Variants in NSMCE2 observed in about 807,000 individuals in gnomAD.
The protein encoded by NSMCE2 is E3 SUMO-protein ligase NSE2.
A neutral mutation model predicts 23.8 loss-of-function variants in NSMCE2; 24 were observed. The observed-to-expected ratio is 1.01, with a 90% confidence interval of 0.73 to 1.42. NSMCE2 has a LOEUF of 1.42. Ranked by LOEUF, NSMCE2 falls within the 40% of genes most tolerant of loss-of-function variation. The pLI is 0.00. For missense variants in NSMCE2, 284 were observed against 296.5 expected, an observed-to-expected ratio of 0.96 and a Z score of 0.31; for synonymous variants, 92 against 94.1, an observed-to-expected ratio of 0.98 and a Z score of 0.13.
chr8:125,186,359 G>C (rs1586581900), intron 5 of NSMCE2, among the ~76,000 whole-genome samples: 1 of 152,124 alleles, frequency 6.6e-6, no homozygotes, highest in East Asian at 1.9e-4. Context: ...ACTGACCCTT[G>C]ATCTAAATTA....
At position 125,246,641 on chromosome 8, in the gene NSMCE2, AAT is replaced by A; in HGVS notation, c.418+64386_418+64387del. 3.3e-5 allele frequency among the ~76,000 whole-genome samples: 5 copies of A among 152,226 alleles called. No individual in the cohort carries two copies. The Middle Eastern group carries it at 0.017, about 518-fold the overall frequency. On this transcript the variant is annotated intron_variant, in intron 5 of 7. Transcript: ENST00000287437. The stretch of plus-strand genomic sequence containing the variant: ...TACTGTCAAACTTTGAAGGAACACA[AAT>A]GTCCTATGTTATCTAATCTATTTCA...
intron 5 of NSMCE2, among the ~76,000 whole-genome samples, chr8:125,280,867 G>A (rs1361431788): frequency 6.6e-6 from 1 of 152,190 alleles, no homozygotes; most frequent in Non-Finnish European, 1.5e-5. Context: ...TAGTTAATCT[G>A]TAACTATATT....
intron 5 of NSMCE2, among the ~76,000 whole-genome samples, chr8:125,183,268 G>C (rs925369424): frequency 6.6e-6 from 1 of 152,160 alleles, no homozygotes. Context: ...AAAAATGACT[G>C]AGGAAGCTGC....
chr8:125,333,652 C>A (rs1382026254), intron 5 of NSMCE2, among the ~76,000 whole-genome samples: 2 of 149,954 alleles, frequency 1.3e-5, no homozygotes. Context: ...GTAGCTAGGA[C>A]TACAGGCGCC....
intron 4 of NSMCE2, among the ~76,000 whole-genome samples, chr8:125,169,418 T>A (rs1426295364): frequency 6.6e-6 from 1 of 152,222 alleles, no homozygotes; most frequent in Non-Finnish European, 1.5e-5. Flanking sequence ...TGCTATAGGC[T>A]CCTTAAATTC....
At chr8:125,310,457 G>A (rs548570681) in intron 5 of NSMCE2, among the ~76,000 whole-genome samples, 1 of 152,240 alleles carries the variant, frequency 6.6e-6, no homozygotes, top group South Asian at 2.1e-4. Flanking sequence ...TGTAGCTATT[G>A]CAATTATGTA....
chr8:125,348,739 T>A (rs900564087), intron 5 of NSMCE2: 2 of 152,204 alleles, frequency 1.3e-5, no homozygotes, highest in Admixed American at 6.6e-5. Context: ...TTCCTTCGTC[T>A]TCCTCCATGA....
At chr8:125,115,839 G>A (rs1818981020) in intron 3 of NSMCE2, among the ~76,000 whole-genome samples, 1 of 152,230 alleles carries the variant, frequency 6.6e-6, no homozygotes, top group South Asian at 2.1e-4. Context: ...TGTTGAAGTA[G>A]GTGAAGAAAA....
chr8:125,187,472 T>C (rs1386898077), intron 5 of NSMCE2, among the ~76,000 whole-genome samples: 1 of 152,204 alleles, frequency 6.6e-6, no homozygotes, highest in African/African-American at 2.4e-5. Context: ...TGGATAATTT[T>C]CTCTTCTCCT....
At chr8:125,296,257 G>A (rs772121538) in intron 5 of NSMCE2, among the ~76,000 whole-genome samples, 1 of 152,106 alleles carries the variant, frequency 6.6e-6, no homozygotes, top group Non-Finnish European at 1.5e-5. Flanking sequence ...CACTTCTGCT[G>A]GGTACATGAC....
chr8:125,325,789 T>TA (rs1829641057), intron 5 of NSMCE2, among the ~76,000 whole-genome samples: 1 of 152,064 alleles, frequency 6.6e-6, no homozygotes, highest in Non-Finnish European at 1.5e-5. Flanking sequence ...CCCACTCTAC[T>TA]AAAAATATAA....
chr8:125,241,468 C>G (rs929381730), intron 5 of NSMCE2, among the ~76,000 whole-genome samples: 1 of 152,226 alleles, frequency 6.6e-6, no homozygotes, highest in Admixed American at 6.5e-5. Context: ...TCAAGAAATT[C>G]TCCTTACAGT....
intron 5 of NSMCE2, among the ~76,000 whole-genome samples, chr8:125,325,905 T>C (rs972944388): frequency 3.3e-5 from 5 of 152,098 alleles, no homozygotes; most frequent in African/African-American, 1.2e-4. Context: ...TGAGCCAAGA[T>C]TGCGGCACTG....
At chr8:125,095,100 A>G (rs1488922454) in intron 1 of NSMCE2, among the ~76,000 whole-genome samples, 2 of 151,938 alleles carry the variant, frequency 1.3e-5, no homozygotes, top group African/African-American at 4.8e-5. Flanking sequence ...AACCTCCCAC[A>G]TTGGCCTCCC....
chr8:125,103,303 CT>C (rs1818293754), intron 3 of NSMCE2, among the ~76,000 whole-genome samples: 1 of 150,160 alleles, frequency 6.7e-6, no homozygotes, highest in Non-Finnish European at 1.5e-5. Context: ...AAGACTCTGT[CT>C]CAAAAAAAAA....
intron 5 of NSMCE2, among the ~76,000 whole-genome samples, chr8:125,349,048 C>CACAG (rs1812914297): frequency 6.7e-6 from 1 of 149,822 alleles, no homozygotes; most frequent in South Asian, 2.1e-4. Flanking sequence ...CACACACACA[C>CACAG]ACACACACAC....
intron 5 of NSMCE2, among the ~76,000 whole-genome samples, chr8:125,256,108 C>T (rs1204785356): frequency 6.6e-6 from 1 of 151,722 alleles, no homozygotes; most frequent in Non-Finnish European, 1.5e-5. Flanking sequence ...ATGGTGAAAT[C>T]CCTGTCTCTA....
chr8:125,173,084 T>G (rs1822300679), intron 4 of NSMCE2, among the ~76,000 whole-genome samples: 1 of 152,204 alleles, frequency 6.6e-6, no homozygotes, highest in Non-Finnish European at 1.5e-5. Context: ...GCAACAATCT[T>G]CTTTACCCTT....
At chr8:125,249,122 G>T (rs1383380430) in intron 5 of NSMCE2, among the ~76,000 whole-genome samples, 1 of 150,714 alleles carries the variant, frequency 6.6e-6, no homozygotes, top group Non-Finnish European at 1.5e-5. Context: ...AGTGAGCCAA[G>T]ATCATGCCAC....
Sources: gnomAD v4.1 joint callset for allele counts (sites outside exome capture counted in the v4.1 genomes callset) on GRCh38, gnomAD v4.1.1 for gene constraint, MANE v1.5 for transcripts, NCBI Gene and HGNC (gene_info 2026-07-23, HGNC 2026-07-21) for gene names.